HCN1: variants seen among roughly 807,000 people sequenced by gnomAD.
HCN1 encodes the protein hyperpolarization activated cyclic nucleotide gated potassium channel 1, also known as potassium/sodium hyperpolarization-activated cyclic nucleotide-gated channel 1.
HCN1 carries 13 observed loss-of-function variants against 78.9 expected under a neutral mutation model. The observed-to-expected ratio is 0.16, with a 90% CI of 0.11 to 0.26. The LOEUF is 0.26. Ranked by LOEUF, HCN1 falls within the 10% of genes least tolerant of loss-of-function variation. HCN1 has a pLI of 1.00. For synonymous variants in HCN1, 552 were observed against 455.5 expected, an observed-to-expected ratio of 1.21 and a Z score of -2.70; for missense variants, 810 against 1,154.3, an observed-to-expected ratio of 0.70 and a Z score of 4.32.
intron 6 of HCN1, among the ~76,000 whole-genome samples, chr5:45,298,484 C>T (rs896213947): frequency 6.6e-6 from 1 of 151,754 alleles, no homozygotes; most frequent in African/African-American, 2.4e-5. Flanking sequence ...AAAAATTTAC[C>T]CACAATAATG....
chr5:45,380,016 C>G (rs1395222501), intron 4 of HCN1, among the ~76,000 whole-genome samples: 1 of 151,986 alleles, frequency 6.6e-6, no homozygotes, highest in Admixed American at 6.6e-5. Flanking sequence ...ACTTGAGGAA[C>G]AAGTTTGAAG....
intron 2 of HCN1, among the ~76,000 whole-genome samples, chr5:45,495,129 C>A (rs879739176): frequency 0.02 from 2,607 of 133,206 alleles, 10 homozygotes; most frequent in Non-Finnish European, 0.029. Flanking sequence ...TTTTCCAATT[C>A]TGTGAAGAAA....
At chr5:45,627,739 T>C (rs2112006216) in intron 2 of HCN1, among the ~76,000 whole-genome samples, 1 of 152,282 alleles carries the variant, frequency 6.6e-6, no homozygotes, top group East Asian at 1.9e-4. Context: ...TCATATATAG[T>C]TTTATCTGTG....
chr5:45,608,357 A>ATATGTG (rs1554035535), intron 2 of HCN1, among the ~76,000 whole-genome samples: 2 of 140,412 alleles, frequency 1.4e-5, no homozygotes, highest in African/African-American at 5.3e-5. Context: ...GGATGGGTGT[A>ATATGTG]TGTGTGTGTG....
chr5:45,310,759 A>C (rs1318779910), intron 5 of HCN1, among the ~76,000 whole-genome samples: 2 of 152,226 alleles, frequency 1.3e-5, no homozygotes, highest in Non-Finnish European at 2.9e-5. Context: ...ACATGGAATC[A>C]ACCCAAATGC....
intron 2 of HCN1, among the ~76,000 whole-genome samples, chr5:45,523,985 T>C (rs1392675561): frequency 6.6e-6 from 1 of 152,226 alleles, no homozygotes; most frequent in Non-Finnish European, 1.5e-5. Context: ...AGGGTTTTTA[T>C]GGTTTTAGGT....
chr5:45,312,245 A>T (rs549109533), intron 5 of HCN1, among the ~76,000 whole-genome samples: 3 of 152,314 alleles, frequency 2.0e-5, no homozygotes, highest in East Asian at 1.9e-4. Context: ...TAGTGCTAAG[A>T]TTTTAAATTG....
chr5:45,694,617 T>C (rs1739970467), intron 1 of HCN1, among the ~76,000 whole-genome samples: 2 of 152,190 alleles, frequency 1.3e-5, no homozygotes, highest in Non-Finnish European at 2.9e-5. Context: ...TTCGAACGAG[T>C]TCGGCCAAAT....
chr5:45,438,988 T>C (rs1347685381), intron 3 of HCN1, among the ~76,000 whole-genome samples: 1 of 152,156 alleles, frequency 6.6e-6, no homozygotes. Context: ...ATAAATTGCC[T>C]AATAAGATAG....
intron 6 of HCN1, among the ~76,000 whole-genome samples, chr5:45,297,499 G>C (rs888998570): frequency 6.6e-6 from 1 of 151,968 alleles, no homozygotes; most frequent in Non-Finnish European, 1.5e-5. Context: ...AAATCACCAG[G>C]CCCAAAAGTT....
chr5:45,373,061 AAT>A lies in HCN1; in HGVS notation c.1231-19817_1231-19816del, dbSNP rs531359083. Among the ~76,000 whole-genome samples the A allele has an allele frequency of 2.7e-3, 361 of 136,076 alleles. 6 individuals carry two copies. The highest frequency in any genetic ancestry group is 8.8e-3 in the African/African-American group (334 of 37,744). 89.3% of individuals were successfully genotyped at this position (136,076 alleles called of 152,430 possible). On this transcript the variant is annotated intron_variant, in intron 4 of 7. Transcript: ENST00000303230. ...AATATATAAAATATAATATATATAA[AAT>A]ATATGTAGTATATAATATATAAAAA...
chr5:45,528,973 G>T (rs1742790134), intron 2 of HCN1, among the ~76,000 whole-genome samples: 1 of 151,902 alleles, frequency 6.6e-6, no homozygotes, highest in Non-Finnish European at 1.5e-5. Flanking sequence ...GACAAATGTG[G>T]CAAGAAATAT....
At chr5:45,301,480 A>T in intron 6 of HCN1, among the ~76,000 whole-genome samples, 1 of 151,784 alleles carries the variant, frequency 6.6e-6, no homozygotes, top group African/African-American at 2.4e-5. Flanking sequence ...GAAATTTGGG[A>T]AGTCAAGGGA....
chr5:45,345,608 T>C (rs548104404), intron 5 of HCN1, among the ~76,000 whole-genome samples: 12 of 152,366 alleles, frequency 7.9e-5, no homozygotes, highest in African/African-American at 2.9e-4. Flanking sequence ...CCAGTCTCTT[T>C]GCTAAAGCAT....
chr5:45,276,627 T>A (rs1020613033), intron 6 of HCN1, among the ~76,000 whole-genome samples: 11 of 152,250 alleles, frequency 7.2e-5, no homozygotes, highest in Admixed American at 5.2e-4. Flanking sequence ...TTGTGGAGAA[T>A]ACAAAATAAG....
intron 3 of HCN1, among the ~76,000 whole-genome samples, chr5:45,411,508 G>A (rs976111724): frequency 1.3e-5 from 2 of 151,836 alleles, no homozygotes; most frequent in Admixed American, 6.6e-5. Flanking sequence ...AAAATAAAGC[G>A]AAGCAGGGCC....
At chr5:45,541,089 A>C (rs145894519) in intron 2 of HCN1, among the ~76,000 whole-genome samples, 110 of 152,336 alleles carry the variant, frequency 7.2e-4, no homozygotes, top group Middle Eastern at 3.4e-3. Flanking sequence ...TTAATCTAAG[A>C]GGAGAAGACC....
At chr5:45,330,291 G>T (rs1395678951) in intron 5 of HCN1, among the ~76,000 whole-genome samples, 1 of 151,170 alleles carries the variant, frequency 6.6e-6, no homozygotes, top group African/African-American at 2.4e-5. Flanking sequence ...TTACACTGTT[G>T]TGCTTTAAGA....
At chr5:45,434,335 C>T (rs1382047972) in intron 3 of HCN1, among the ~76,000 whole-genome samples, 4 of 152,128 alleles carry the variant, frequency 2.6e-5, no homozygotes, top group African/African-American at 9.7e-5. Flanking sequence ...GACATCTGCA[C>T]CAGCACTGTT....
Sources: allele counts gnomAD v4.1 joint callset (sites outside exome capture counted in the v4.1 genomes callset), GRCh38; gene constraint gnomAD v4.1.1; transcripts MANE v1.5; gene names NCBI Gene and HGNC (gene_info 2026-07-23, HGNC 2026-07-21).